The following AAGAB variants were observed in gnomAD, a reference collection of about 807,000 sequenced individuals.
AAGAB encodes the protein alpha and gamma adaptin binding protein.
A neutral mutation model predicts 44.1 loss-of-function variants in AAGAB; 38 were observed. The observed-to-expected ratio is 0.86, with a 90% CI of 0.67 to 1.13. The LOEUF is 1.13. Among genes scored for constraint, AAGAB ranks in the 50% most tolerant of loss-of-function variants. The pLI, the probability that AAGAB is intolerant of heterozygous loss-of-function variation, is 0.00. For missense variants in AAGAB, 450 were observed against 373.8 expected, an observed-to-expected ratio of 1.20 and a Z score of -1.68; for synonymous variants, 131 against 131.8, an observed-to-expected ratio of 0.99 and a Z score of 0.04.
chr15:67,238,438 G>A (rs1442093219), intron 1 of AAGAB, among the ~76,000 whole-genome samples: 2 of 152,164 alleles, frequency 1.3e-5, no homozygotes, highest in Admixed American at 1.3e-4. Flanking sequence ...AATCAAAGAT[G>A]TTGTTTTCAT....
At chr15:67,234,037 T>C (rs1964405358) in intron 4 of AAGAB, among the ~76,000 whole-genome samples, 1 of 151,046 alleles carries the variant, frequency 6.6e-6, no homozygotes, top group African/African-American at 2.4e-5. Context: ...GGTCAGGAGA[T>C]TGAGACCATC....
intron 2 of AAGAB, 24 bp from the exon 3 acceptor site, chr15:67,236,528 C>T (rs966273435): frequency 6.2e-7 from 1 of 1,609,020 alleles, no homozygotes; most frequent in Non-Finnish European, 8.5e-7. Flanking sequence ...AAAATATAAA[C>T]AAACAAAAAC....
intron 5 of AAGAB, among the ~76,000 whole-genome samples, chr15:67,230,790 C>T (rs1595999899): frequency 6.6e-6 from 1 of 152,284 alleles, no homozygotes; most frequent in Admixed American, 6.5e-5. Flanking sequence ...TACATTACCC[C>T]GGGCCCCAGC....
intron 7 of AAGAB, among the ~76,000 whole-genome samples, chr15:67,207,606 A>C (rs1409907967): frequency 1.3e-5 from 2 of 152,240 alleles, no homozygotes; most frequent in Non-Finnish European, 1.5e-5. Context: ...TGCTCCTATA[A>C]GAAACAAATT....
chr15:67,238,392 A>G lies in AAGAB; in HGVS notation c.74-1572T>C, dbSNP rs540005699. On this transcript the variant is annotated intron_variant, in intron 1 of 9. Coordinates refer to ENST00000261880, the MANE Select transcript of AAGAB (RefSeq NM_024666.5). ...CCTTATGGAGCATTAAGACAATTTC[A>G]GGGGAAATAAACAGGAGAAACAGGT... Among the ~76,000 whole-genome samples the G allele has an allele frequency of 2.0e-5, 3 of 152,326 alleles. No homozygotes were observed. The South Asian group carries it at 6.2e-4, about 32-fold the overall frequency.
chr15:67,238,357 C>G (rs1194094717), intron 1 of AAGAB, among the ~76,000 whole-genome samples: 2 of 152,168 alleles, frequency 1.3e-5, no homozygotes, highest in Non-Finnish European at 2.9e-5. Flanking sequence ...TCGCAACCAG[C>G]TGCTATGTCC....
At chr15:67,248,559 C>CTGT (rs574972585) in intron 1 of AAGAB, among the ~76,000 whole-genome samples, 177 of 152,350 alleles carry the variant, frequency 1.2e-3, no homozygotes, top group African/African-American at 3.8e-3. Flanking sequence ...TATCCCCATT[C>CTGT]TGTTGCTAGA....
At chr15:67,237,245 A>G (rs1964492566) in intron 1 of AAGAB, among the ~76,000 whole-genome samples, 1 of 152,228 alleles carries the variant, frequency 6.6e-6, no homozygotes, top group Non-Finnish European at 1.5e-5. Context: ...AAAGGAAGAT[A>G]GGATTAAGGC....
chr15:67,242,111 C>T (rs911921788), intron 1 of AAGAB, among the ~76,000 whole-genome samples: 2 of 152,110 alleles, frequency 1.3e-5, no homozygotes, highest in Non-Finnish European at 2.9e-5. Flanking sequence ...AACCAGCAAG[C>T]GAAAAGACAG....
At chr15:67,250,182 T>C (rs747017163) in intron 1 of AAGAB, among the ~76,000 whole-genome samples, 93 of 152,316 alleles carry the variant, frequency 6.1e-4, no homozygotes, top group Non-Finnish European at 9.6e-4. Flanking sequence ...CTTTTTTTTC[T>C]TTACTGGAGA....
Position 67,202,662 on chromosome 15 carries a change from CCTT to C in AAGAB, c.*156_*158del. 1 of 625,930 alleles carries C rather than the reference CCTT, an allele frequency of 1.6e-6. No homozygotes were observed. The highest frequency in any genetic ancestry group is 2.9e-6 in the Non-Finnish European group (1 of 347,382). 38.8% of individuals were successfully genotyped at this position (625,930 alleles called of 1,614,324 possible). ...TATACTGAGGAAAAAAAAGATTTCTCCTTAACCTCCTACTAAAAACTAAAATTA... is the reference window on the plus strand; with the variant it reads ...TATACTGAGGAAAAAAAAGATTTCTCAACCTCCTACTAAAAACTAAAATTA... On this transcript the variant is annotated 3_prime_UTR_variant, in exon 10 of 10. Transcript: ENST00000261880.
intron 9 of AAGAB, among the ~76,000 whole-genome samples, chr15:67,203,254 T>G (rs1323885816): frequency 6.6e-6 from 1 of 152,222 alleles, no homozygotes; most frequent in Non-Finnish European, 1.5e-5. Context: ...TAGCATGTGT[T>G]GTGTTGGTAA....
At chr15:67,206,296 A>G (rs1963683841) in intron 7 of AAGAB, among the ~76,000 whole-genome samples, 1 of 152,242 alleles carries the variant, frequency 6.6e-6, no homozygotes, top group African/African-American at 2.4e-5. Context: ...TTATGTCAAT[A>G]TGTCTTATTA....
intron 5 of AAGAB, among the ~76,000 whole-genome samples, chr15:67,212,373 G>GA (rs887923747): frequency 6.6e-6 from 1 of 150,572 alleles, no homozygotes; most frequent in Non-Finnish European, 1.5e-5. Context: ...TTAAAACTTT[G>GA]AAAAAAAAAT....
At chr15:67,205,540 A>G (rs1057127273) in intron 7 of AAGAB, among the ~76,000 whole-genome samples, 25 of 152,340 alleles carry the variant, frequency 1.6e-4, no homozygotes, top group Non-Finnish European at 2.8e-4. Context: ...CCAAAGAAAG[A>G]GAAGGAATAA....
At chr15:67,215,724 T>C (rs1963929022) in intron 5 of AAGAB, among the ~76,000 whole-genome samples, 1 of 152,254 alleles carries the variant, frequency 6.6e-6, no homozygotes, top group African/African-American at 2.4e-5. Context: ...AAAATTCTTT[T>C]AAGAAAGAAA....
rs1229248447 is a variant in AAGAB at position 67,204,229 on chromosome 15, C to T, written c.716-81G>A. ...CAGAGAATCCTAAGGCAAATGCTAA[C>T]CTTGATGAAGTCACCAATGATCGAA... is the stretch of plus-strand genomic sequence containing the variant. On this transcript the variant is annotated intron_variant, in intron 7 of 9. Transcript: ENST00000261880. The T allele has an allele frequency of 2.7e-5, 26 of 969,552 alleles. No homozygotes were observed. In the Admixed American group the frequency reaches 5.5e-4, roughly 20 times the overall value. 60.1% of individuals were successfully genotyped at this position (969,552 alleles called of 1,614,324 possible). A position where few individuals can be genotyped will look rare whatever the true frequency, so the allele number is the denominator to read the frequency against.
intron 5 of AAGAB, among the ~76,000 whole-genome samples, chr15:67,219,017 C>G (rs1459118714): frequency 6.6e-6 from 1 of 152,194 alleles, no homozygotes; most frequent in Non-Finnish European, 1.5e-5. Flanking sequence ...AGAAGTCGTA[C>G]CTTTAATGCA....
At chr15:67,203,889 T>C (rs1268555193) in intron 8 of AAGAB, among the ~76,000 whole-genome samples, 155 bp downstream of exon 8, 3 of 152,150 alleles carry the variant, frequency 2.0e-5, no homozygotes, top group Non-Finnish European at 4.4e-5. Flanking sequence ...CAGGGAATTT[T>C]TTTTTTTTAC....
Sources: allele counts gnomAD v4.1 joint callset (sites outside exome capture counted in the v4.1 genomes callset), GRCh38; gene constraint gnomAD v4.1.1; transcripts MANE v1.5; gene names NCBI Gene and HGNC (gene_info 2026-07-23, HGNC 2026-07-21).